The following PIK3CG variants were observed in gnomAD, a reference collection of about 807,000 sequenced individuals.
PIK3CG encodes phosphatidylinositol 4,5-bisphosphate 3-kinase catalytic subunit gamma isoform.
A neutral mutation model predicts 102.3 loss-of-function variants in PIK3CG; 55 were observed. The ratio of observed to expected loss-of-function variants is 0.54; its 90% CI spans 0.43 to 0.67. The LOEUF is 0.67. PIK3CG is among the 30% of genes least tolerant of loss of function. PIK3CG has a pLI of 0.00. For missense variants in PIK3CG, 1,258 were observed against 1,391.8 expected (o/e 0.90, Z 1.53); for synonymous variants, 552 against 540.0 (o/e 1.02, Z -0.31).
rs948096096 is a variant in PIK3CG at position 106,867,329 on chromosome 7, C to T, written c.-12-221C>T. 2.0e-5 allele frequency among the ~76,000 whole-genome samples: 3 copies of T among 152,160 alleles called. No homozygotes were observed. Among genetic ancestry groups the T allele is most frequent in the East Asian group, 3.8e-4 (2 of 5,202 alleles). On this transcript the variant is annotated intron_variant, in intron 1 of 10. Transcript: ENST00000496166. The surrounding 1 kb of genome is among the most constrained non-coding windows in gnomAD (Gnocchi z 5.1). ...AGAAACAGGCTCAGAGATTAAGCAG[C>T]CCAAATCACCCAGAAAGTAAGTGGC...
chr7:106,866,822 TG>T (rs1217476034), intron 1 of PIK3CG, among the ~76,000 whole-genome samples: 1 of 152,140 alleles, frequency 6.6e-6, no homozygotes, highest in Non-Finnish European at 1.5e-5. Flanking sequence ...GCTTTACAAA[TG>T]AAATGACTTG....
At chr7:106,886,873 T>A (rs1471422944) in intron 10 of PIK3CG, among the ~76,000 whole-genome samples, 1 of 152,114 alleles carries the variant, frequency 6.6e-6, no homozygotes. Context: ...CCTACATGAG[T>A]CTGTCCATCT....
Position 106,890,460 on chromosome 7 carries a change from C to A in PIK3CG, c.3030+4168C>A, listed in dbSNP as rs1435492225. ...CCTCCCAAAGTGCTGGGACTACAGG[C>A]GTGAGCCAGCGTGCCCAGCCCCGAA... On this transcript the variant is annotated intron_variant, in intron 10 of 10. Coordinates refer to ENST00000496166, the MANE Select transcript of PIK3CG (RefSeq NM_001282426.2). The surrounding 1 kb of genome is among the most constrained non-coding windows in gnomAD (Gnocchi z 4.2). Among the ~76,000 whole-genome samples the A allele has an allele frequency of 3.3e-5, 5 of 152,196 alleles. No homozygotes were observed. The highest frequency in any genetic ancestry group is 9.7e-5 in the African/African-American group (4 of 41,436).
Position 106,868,174 on chromosome 7 carries a change from A to G in PIK3CG, c.613A>G (p.Lys205Glu), listed in dbSNP as rs2116432617. Residue 205 changes from lysine to glutamate, a missense_variant, in exon 2 of 11, where the codon AAG becomes GAG. Around this residue, in one of 2 missense-constraint regions of PIK3CG, gnomAD observed 832 missense variants for 787.5 expected, o/e 1.06. Coordinates refer to ENST00000496166, the MANE Select transcript of PIK3CG (RefSeq NM_001282426.2). The surrounding 1 kb of genome is among the most constrained non-coding windows in gnomAD (Gnocchi z 6.2). ...LYAMHPWVTSKPLPEYLWKKI... is the reference protein window; with the variant it reads ...LYAMHPWVTSEPLPEYLWKKI... Reference sequence around the variant, plus strand: ...CGCCATGCACCCGTGGGTGACGTCCAAGCCCCTCCCGGAGTACCTGTGGAA... The same window carrying G: ...CGCCATGCACCCGTGGGTGACGTCCGAGCCCCTCCCGGAGTACCTGTGGAA... The G allele has an allele frequency of 6.2e-7, 1 of 1,612,872 alleles. No homozygotes were observed. Among genetic ancestry groups the G allele is most frequent in the Non-Finnish European group, 8.5e-7 (1 of 1,180,020 alleles).
chr7:106,872,872 A>G lies in PIK3CG; in HGVS notation c.2221A>G (p.Met741Val), dbSNP rs773882328. The change falls in exon 4 of 11, where the codon ATG becomes GTG. Residue 741 changes from methionine to valine, a missense_variant. Transcript: ENST00000496166. The surrounding 1 kb of genome is among the most constrained non-coding windows in gnomAD (Gnocchi z 5.3). ...DFTQQVQVIE[M>V]LQKVTLDIKS... Reference sequence around the variant, plus strand: ...TACCCAACAAGTCCAAGTAATCGAGATGTTACAAAAAGTCACCCTTGATAT... The same window carrying G: ...TACCCAACAAGTCCAAGTAATCGAGGTGTTACAAAAAGTCACCCTTGATAT... 1 of 1,614,192 alleles carries G rather than the reference A, an allele frequency of 6.2e-7. No individual in the cohort carries two copies. The highest frequency in any genetic ancestry group is 1.1e-5 in the South Asian group (1 of 91,082).
rs2116620640 is a variant in PIK3CG, at chr7:106,905,434, T to A, written c.*47T>A. On this transcript the variant is annotated 3_prime_UTR_variant, in exon 11 of 11. Transcript: ENST00000496166. The surrounding 1 kb of genome is among the most constrained non-coding windows in gnomAD (Gnocchi z 5.6). ...ACAAGTTAGTGTTCTATGGTTTAAA[T>A]TAGCATAGCAATCATCGAACTTGGA... The A allele has an allele frequency of 6.5e-7, 1 of 1,534,564 alleles. No individual in the cohort carries two copies. Among genetic ancestry groups the A allele is most frequent in the Non-Finnish European group, 8.9e-7 (1 of 1,125,166 alleles).
At position 106,906,847 on chromosome 7, in the gene PIK3CG, TTA is replaced by T; in HGVS notation, c.*1461_*1462del. 1 of 226,980 alleles carries T rather than the reference TTA, an allele frequency of 4.4e-6. No homozygotes were observed. Among genetic ancestry groups the T allele is most frequent in the East Asian group, 6.3e-5 (1 of 15,900 alleles). The allele number at this position is 226,980 out of a possible 1,614,324, so 14.1% of individuals were successfully genotyped here. A position where few individuals can be genotyped will look rare whatever the true frequency, so the allele number is the denominator to read the frequency against. ...AGACCTTTTCTTTTTTTTTTTTTTT[TTA>T]ATGTGTGCAAAAGCCCAAAGGTTCC... On this transcript the variant is annotated 3_prime_UTR_variant, in exon 11 of 11. Transcript: ENST00000496166.
Position 106,869,024 on chromosome 7 carries a change from C to T in PIK3CG, c.1463C>T (p.Ser488Phe), listed in dbSNP as rs143954315. Reference sequence around the variant, plus strand: ...TACGTCCTCCACATGTGGCAGATATCTGGGAAGGGAGAAGACCAAGGAAGC... The same window carrying T: ...TACGTCCTCCACATGTGGCAGATATTTGGGAAGGGAGAAGACCAAGGAAGC... ...GEYVLHMWQI[S>F]GKGEDQGSFN... The change falls in exon 2 of 11, where the codon TCT (serine) becomes TTT (phenylalanine). Residue 488 changes from serine (S) to phenylalanine (F), a missense_variant. Physicochemically the swap from Ser to Phe is radical, Grantham distance 155. This residue lies in a region of PIK3CG where 832 missense variants were observed against 787.5 expected (regional missense o/e 1.06). Transcript: ENST00000496166. This position sits in a 1 kb window ranked among gnomAD's most constrained non-coding sequence, Gnocchi z 5.3. The T allele has an allele frequency of 1.7e-5, 27 of 1,614,054 alleles. No homozygotes were observed. The highest frequency in any genetic ancestry group is 2.1e-5 in the Non-Finnish European group (25 of 1,180,044).
In PIK3CG at chr7:106,868,795, G is replaced by A. The variant is rs148196703; in HGVS notation, c.1234G>A (p.Val412Met). The A allele has an allele frequency of 2.5e-6, 4 of 1,614,256 alleles. No homozygotes were observed. The highest frequency in any genetic ancestry group is 3.4e-6 in the Non-Finnish European group (4 of 1,180,044). The part of the protein sequence containing the change: ...KPFTEEVLWN[V>M]WLEFSIKIKD... The stretch of plus-strand genomic sequence containing the variant: ...CTTCACAGAGGAGGTGCTGTGGAAT[G>A]TGTGGCTTGAGTTCAGTATCAAAAT... The change falls in exon 2 of 11, where the codon GTG becomes ATG. Residue 412 changes from valine to methionine, a missense_variant. Physicochemically the swap from Val to Met is conservative, Grantham distance 21. This residue lies in a region of PIK3CG where 832 missense variants were observed against 787.5 expected (regional missense o/e 1.06). Coordinates refer to ENST00000496166, the MANE Select transcript of PIK3CG (RefSeq NM_001282426.2). The surrounding 1 kb of genome is among the most constrained non-coding windows in gnomAD (Gnocchi z 6.2).
intron 10 of PIK3CG, 121 bp from the exon 11 acceptor site, chr7:106,904,988 C>A (rs554901850): frequency 1.2e-5 from 10 of 838,842 alleles, no homozygotes; most frequent in Non-Finnish European, 1.7e-5. Flanking sequence ...AGGCAGGGAC[C>A]TTGATGGTTT....
Position 106,891,891 on chromosome 7 carries a change from T to G in PIK3CG, c.3030+5599T>G, listed in dbSNP as rs1267911160. ...CCCCATGCCAGCGTATACCCAAGCCTCCAACCTGGAGGCTCAGCCACATGC... is the reference window on the plus strand; with the variant it reads ...CCCCATGCCAGCGTATACCCAAGCCGCCAACCTGGAGGCTCAGCCACATGC... On this transcript the variant is annotated intron_variant, in intron 10 of 10. Transcript: ENST00000496166. This position sits in a 1 kb window ranked among gnomAD's most constrained non-coding sequence, Gnocchi z 4.4. Among the ~76,000 whole-genome samples, 1 of 151,914 alleles carries G rather than the reference T, an allele frequency of 6.6e-6. No homozygotes were observed. Among genetic ancestry groups the G allele is most frequent in the Non-Finnish European group, 1.5e-5 (1 of 67,968 alleles).
chr7:106,887,990 G>A (rs2116570041), intron 10 of PIK3CG, among the ~76,000 whole-genome samples: 1 of 118,900 alleles, frequency 8.4e-6, no homozygotes, highest in African/African-American at 3.2e-5. Flanking sequence ...ACCCAGGCTA[G>A]AGTACAGTGG....
intron 5 of PIK3CG, among the ~76,000 whole-genome samples, chr7:106,876,504 G>T (rs1261190896): frequency 6.7e-6 from 1 of 149,886 alleles, no homozygotes; most frequent in African/African-American, 2.5e-5. Context: ...CCATTCTCCT[G>T]CCTCAGCCTC....
chr7:106,887,524 T>C (rs1481503608), intron 10 of PIK3CG, among the ~76,000 whole-genome samples: 2 of 152,156 alleles, frequency 1.3e-5, no homozygotes, highest in Admixed American at 1.3e-4. Flanking sequence ...TCCTGACTGA[T>C]TTTCAATTTG....
In PIK3CG at chr7:106,894,652, G is replaced by A. The variant is rs1381146696; in HGVS notation, c.3030+8360G>A. On this transcript the variant is annotated intron_variant, in intron 10 of 10. Transcript: ENST00000496166. The surrounding 1 kb of genome is among the most constrained non-coding windows in gnomAD (Gnocchi z 4.4). Reference sequence around the variant, plus strand: ...AAATAAAATTCTCTGCCTTTGACTGGAATGATTTTTATCCATTGTCTCCTT... The same window carrying A: ...AAATAAAATTCTCTGCCTTTGACTGAAATGATTTTTATCCATTGTCTCCTT... Among the ~76,000 whole-genome samples, 1 of 152,100 alleles carries A rather than the reference G, an allele frequency of 6.6e-6. No individual in the cohort carries two copies. Among genetic ancestry groups the A allele is most frequent in the Non-Finnish European group, 1.5e-5 (1 of 68,028 alleles).
chr7:106,873,747 TAAAC>T (rs1272026751), intron 4 of PIK3CG, among the ~76,000 whole-genome samples: 2 of 151,122 alleles, frequency 1.3e-5, no homozygotes, highest in Admixed American at 1.3e-4. Context: ...ATAAAGGTAA[TAAAC>T]ACACACACAC....
In PIK3CG at chr7:106,907,978, A is replaced by T. The variant is rs1791734052; in HGVS notation, c.*2591A>T. Among the ~76,000 whole-genome samples, 1 of 152,002 alleles carries T rather than the reference A, an allele frequency of 6.6e-6. No homozygotes were observed. On this transcript the variant is annotated 3_prime_UTR_variant, in exon 11 of 11. Transcript: ENST00000496166. The stretch of plus-strand genomic sequence containing the variant: ...TTTACTGTTCGCAGTGAATTACATG[A>T]CGAACAACTTCTATACCTTTGAAAA...
chr7:106,890,417 G>A lies in PIK3CG; in HGVS notation c.3030+4125G>A, dbSNP rs1336346591. Among the ~76,000 whole-genome samples the A allele has an allele frequency of 6.6e-6, 1 of 152,128 alleles. No individual in the cohort carries two copies. The highest frequency in any genetic ancestry group is 2.4e-5 in the African/African-American group (1 of 41,416). ...AGGATGGTCTCAATCTCCTGACCTC[G>A]TGATCCGGCTGCCTCAGCCTCCCAA... is the stretch of plus-strand genomic sequence containing the variant. On this transcript the variant is annotated intron_variant, in intron 10 of 10. Transcript: ENST00000496166. This position sits in a 1 kb window ranked among gnomAD's most constrained non-coding sequence, Gnocchi z 4.2.
rs1016941750 is a variant in PIK3CG at position 106,908,283 on chromosome 7, C to A, written c.*2896C>A. Among the ~76,000 whole-genome samples, 1 of 152,206 alleles carries A rather than the reference C, an allele frequency of 6.6e-6. No individual in the cohort carries two copies. On this transcript the variant is annotated 3_prime_UTR_variant, in exon 11 of 11. Coordinates refer to ENST00000496166, the MANE Select transcript of PIK3CG (RefSeq NM_001282426.2). This position sits in a 1 kb window ranked among gnomAD's most constrained non-coding sequence, Gnocchi z 4.1. ...TGTGTGACTGCATGGGTCCATGAGA[C>A]CAGCACTGTGTGGGTCTGAATGATG...
Sources: allele counts gnomAD v4.1 joint callset (sites outside exome capture counted in the v4.1 genomes callset), GRCh38; gene constraint gnomAD v4.1.1; regional missense constraint gnomAD v4.1.1; non-coding constraint Gnocchi (gnomAD v3.1); transcripts MANE v1.5; gene names NCBI Gene and HGNC (gene_info 2026-07-23, HGNC 2026-07-21).